JUP: variants seen among roughly 807,000 people sequenced by gnomAD.
JUP encodes the protein junction plakoglobin.
JUP carries 28 observed loss-of-function variants against 71.1 expected under a neutral mutation model. The ratio of observed to expected loss-of-function variants is 0.39; its 90% CI spans 0.29 to 0.54. The LOEUF (loss-of-function observed/expected upper bound fraction) is 0.54, where lower values mean the gene tolerates loss of function less well. Among genes scored for constraint, JUP ranks in the 20% least tolerant of loss-of-function variants. The pLI is 0.62. For synonymous variants in JUP, 401 were observed against 438.9 expected (o/e 0.91, Z 1.08); for missense variants, 869 against 1,030.1 (o/e 0.84, Z 2.14).
chr17:41,786,588 C>T lies in JUP; in HGVS notation c.-9G>A, dbSNP rs1555611808. ...TACCTGCGCCCCCGATAGCCCGCAC[C>T]TGAGTATGGGGCCTGACCGGGCCGG... On this transcript the variant is annotated splice_region_variant and 5_prime_UTR_variant, in exon 1 of 14. Coordinates refer to ENST00000393931, the MANE Select transcript of JUP (RefSeq NM_002230.4). 1 of 152,410 alleles carries T rather than the reference C, an allele frequency of 6.6e-6. No individual in the cohort carries two copies. The highest frequency in any genetic ancestry group is 2.4e-5 in the African/African-American group (1 of 41,454). The allele number at this position is 152,410 out of a possible 1,614,324, so 9.4% of individuals were successfully genotyped here.
At chr17:41,775,049 G>A (rs553847404) in intron 1 of JUP, among the ~76,000 whole-genome samples, 2 of 151,632 alleles carry the variant, frequency 1.3e-5, no homozygotes, top group South Asian at 4.2e-4. Context: ...GTTGCAGTGA[G>A]CCGAGACTGC....
At chr17:41,772,931 G>A (rs782084668) in intron 1 of JUP, 17 of 985,382 alleles carry the variant, frequency 1.7e-5, no homozygotes, top group South Asian at 9.4e-5. Flanking sequence ...CAGAGGCTGC[G>A]GGGAGAATGG....
intron 3 of JUP, 83 bp downstream of exon 3, chr17:41,769,335 A>G: frequency 1.3e-6 from 2 of 1,570,248 alleles, no homozygotes; most frequent in Non-Finnish European, 1.7e-6. Flanking sequence ...ACCTCCCTCC[A>G]CCCCTACAAT....
chr17:41,766,125 T>C (rs1915672988), intron 5 of JUP, among the ~76,000 whole-genome samples: 1 of 152,026 alleles, frequency 6.6e-6, no homozygotes, highest in African/African-American at 2.4e-5. Flanking sequence ...AGTAGTATGT[T>C]CTCATAGTCC....
chr17:41,763,381 G>C (rs531777681), intron 7 of JUP, 60 bp from the exon 8 acceptor site: 2 of 1,297,706 alleles, frequency 1.5e-6, no homozygotes, highest in African/African-American at 1.5e-5. Context: ...GAGCCTTCTC[G>C]AATATGTCCA....
At chr17:41,774,576 C>T (rs566392292) in intron 1 of JUP, among the ~76,000 whole-genome samples, 1 of 151,826 alleles carries the variant, frequency 6.6e-6, no homozygotes, top group Non-Finnish European at 1.5e-5. Context: ...TCAGGTGATC[C>T]GCCCACCTCA....
intron 1 of JUP, among the ~76,000 whole-genome samples, chr17:41,774,122 G>A (rs1917084317): frequency 1.3e-5 from 2 of 151,458 alleles, no homozygotes. Context: ...TCAAGCTGAG[G>A]AACTTCCTCA....
intron 1 of JUP, among the ~76,000 whole-genome samples, chr17:41,785,639 AC>A (rs1468597137): frequency 2.6e-5 from 4 of 151,934 alleles, no homozygotes; most frequent in Admixed American, 2.6e-4. Context: ...AGACGGGAAA[AC>A]CCCCAGATAA....
At position 41,755,171 on chromosome 17, in the gene JUP, G is replaced by A. The variant is rs886052913; in HGVS notation, c.*573C>T. On this transcript the variant is annotated 3_prime_UTR_variant, in exon 14 of 14. Coordinates refer to ENST00000393931, the MANE Select transcript of JUP (RefSeq NM_002230.4). ...AGGGAGGCTGGAGGTTTGGAGGGGC[G>A]TTGCTGGGGGAAAACAGAATGGGTA... 12 of 397,966 alleles carry A rather than the reference G, an allele frequency of 3.0e-5. No individual in the cohort carries two copies. Among genetic ancestry groups the A allele is most frequent in the Admixed American group, 1.8e-4 (4 of 22,710 alleles). 24.7% of individuals were successfully genotyped at this position (397,966 alleles called of 1,614,324 possible). A position where few individuals can be genotyped will look rare whatever the true frequency, so the allele number is the denominator to read the frequency against.
In JUP at chr17:41,754,754, G is replaced by A. The variant is rs1366621407; in HGVS notation, c.*990C>T. On this transcript the variant is annotated 3_prime_UTR_variant, in exon 14 of 14. Coordinates refer to ENST00000393931, the MANE Select transcript of JUP (RefSeq NM_002230.4). ...CGGGAAATGGGGGGGTCTGAAACAG[G>A]AAGGGGAAGAGAAAGCCCCTCACCA... 1 of 152,962 alleles carries A rather than the reference G, an allele frequency of 6.5e-6. No individual in the cohort carries two copies. Among genetic ancestry groups the A allele is most frequent in the Non-Finnish European group, 1.5e-5 (1 of 68,338 alleles). 9.5% of individuals were successfully genotyped at this position (152,962 alleles called of 1,614,324 possible). A position where few individuals can be genotyped will look rare whatever the true frequency, so the allele number is the denominator to read the frequency against.
intron 1 of JUP, among the ~76,000 whole-genome samples, chr17:41,779,991 A>T (rs1349085075): frequency 6.6e-6 from 1 of 152,098 alleles, no homozygotes; most frequent in African/African-American, 2.4e-5. Flanking sequence ...TACCTTCTCA[A>T]TCAAGGAAGA....
intron 1 of JUP, chr17:41,772,776 C>T (rs1394349278): frequency 2.0e-6 from 2 of 984,382 alleles, no homozygotes; most frequent in South Asian, 4.7e-5. Flanking sequence ...TGGTCACTGC[C>T]GTCAGGAACC....
rs781786854 is a variant in JUP, at chr17:41,769,451, G to A, written c.435C>T (p.Pro145=). 1.2e-5 allele frequency: 19 copies of A among 1,612,806 alleles called. No homozygotes were observed. Among genetic ancestry groups the A allele is most frequent in the African/African-American group, 5.3e-5 (4 of 74,896 alleles). The stretch of plus-strand genomic sequence containing the variant: ...CGTCGTTGAGCAGTTTGGTGAGCTC[G>A]GGCAGGGCGCGAGTGGCCAGCTCGG... ...DDAELATRAL[P]ELTKLLNDED... Residue 145 remains proline (P), a synonymous_variant, in exon 3 of 14, where the codon CCC becomes CCT. Coordinates refer to ENST00000393931, the MANE Select transcript of JUP (RefSeq NM_002230.4).
At position 41,756,993 on chromosome 17, in the gene JUP, A is replaced by G. The variant is rs937168118; in HGVS notation, c.2046+422T>C. Among the ~76,000 whole-genome samples, 108 of 152,366 alleles carry G rather than the reference A, an allele frequency of 7.1e-4. 2 individuals carry two copies. The highest frequency in any genetic ancestry group is 2.9e-5 in the Non-Finnish European group (2 of 68,032). ...AGAGGATGATGAAATGGGGTCACCC[A>G]GTGCCCTGATATACTCATGTCCTCG... is the stretch of plus-strand genomic sequence containing the variant. On this transcript the variant is annotated intron_variant, in intron 12 of 13. Transcript: ENST00000393931.
chr17:41,764,640 G>T (rs994302898), intron 7 of JUP, 73 bp downstream of exon 7: 1 of 1,224,014 alleles, frequency 8.2e-7, no homozygotes, highest in East Asian at 2.3e-5. Flanking sequence ...CAGTACCTCA[G>T]GTCAGATGCC....
chr17:41,774,423 T>C (rs1036266856), intron 1 of JUP, among the ~76,000 whole-genome samples: 1 of 152,106 alleles, frequency 6.6e-6, no homozygotes, highest in Non-Finnish European at 1.5e-5. Flanking sequence ...AACCTCCACC[T>C]CCTGGGTTCC....
At chr17:41,763,978 G>A (rs1281862418) in intron 7 of JUP, among the ~76,000 whole-genome samples, 9 of 152,124 alleles carry the variant, frequency 5.9e-5, no homozygotes, top group African/African-American at 1.9e-4. Flanking sequence ...TTAGCTCCCC[G>A]AGCCTCAGTG....
chr17:41,781,105 C>T (rs1450199648), intron 1 of JUP, among the ~76,000 whole-genome samples: 3 of 150,482 alleles, frequency 2.0e-5, no homozygotes, highest in Non-Finnish European at 2.9e-5. Flanking sequence ...GGTGTGAACC[C>T]AGGGGGCGGA....
At chr17:41,769,902 A>T (rs7405759) in intron 2 of JUP, among the ~76,000 whole-genome samples, 2 of 150,024 alleles carry the variant, frequency 1.3e-5, no homozygotes, top group Non-Finnish European at 3.0e-5. Context: ...CTGTCCATCA[A>T]GGGAATTTTT....
Sources: gnomAD v4.1 joint callset for allele counts (sites outside exome capture counted in the v4.1 genomes callset) on GRCh38, gnomAD v4.1.1 for gene constraint, MANE v1.5 for transcripts, NCBI Gene and HGNC (gene_info 2026-07-23, HGNC 2026-07-21) for gene names.